BICC1: variants seen among roughly 807,000 people sequenced by gnomAD.
BICC1 encodes BicC family RNA binding protein 1.
A neutral mutation model predicts 111.0 loss-of-function variants in BICC1; 43 were observed. The ratio of observed to expected loss-of-function variants is 0.39; its 90% CI spans 0.30 to 0.50. The LOEUF (loss-of-function observed/expected upper bound fraction) is 0.50. Among genes scored for constraint, BICC1 ranks in the 20% least tolerant of loss-of-function variants. The pLI is 0.88. For missense variants in BICC1, 1,091 were observed against 1,203.2 expected (o/e 0.91, Z 1.38); for synonymous variants, 467 against 434.4 (o/e 1.07, Z -0.93).
chr10:58,798,608 C>A, intron 11 of BICC1, 48 bp downstream of exon 11: 1 of 1,418,040 alleles, frequency 7.1e-7, no homozygotes, highest in South Asian at 1.8e-5. Context: ...TTAGGTGTTA[C>A]CAGTTTTTTA....
chr10:58,567,663 G>C (rs1843811193), intron 1 of BICC1, among the ~76,000 whole-genome samples: 1 of 151,856 alleles, frequency 6.6e-6, no homozygotes, highest in Non-Finnish European at 1.5e-5. Flanking sequence ...GCTGAATGCT[G>C]TGCCTGTAAT....
intron 2 of BICC1, among the ~76,000 whole-genome samples, chr10:58,662,109 G>T (rs1838863135): frequency 6.6e-6 from 1 of 152,136 alleles, no homozygotes; most frequent in African/African-American, 2.4e-5. Flanking sequence ...GTGTGTGCCT[G>T]TGTATTGAGT....
rs76631227 is a variant in BICC1, at chr10:58,528,082, G to A, written c.190+14749G>A. 3.2e-3 allele frequency among the ~76,000 whole-genome samples: 487 copies of A among 152,050 alleles called. 4 individuals carry two copies. The highest frequency in any genetic ancestry group is 0.011 in the African/African-American group (469 of 41,520). On this transcript the variant is annotated intron_variant, in intron 1 of 20. Coordinates refer to ENST00000373886, the MANE Select transcript of BICC1 (RefSeq NM_001080512.3). Reference sequence around the variant, plus strand: ...AGAGCTGTGAAAATATCTGGACTGTGTTTATAGAATAAATGACCCATGATG... The same window carrying A: ...AGAGCTGTGAAAATATCTGGACTGTATTTATAGAATAAATGACCCATGATG...
At chr10:58,651,608 G>A (rs1350557582) in intron 2 of BICC1, among the ~76,000 whole-genome samples, 1 of 152,060 alleles carries the variant, frequency 6.6e-6, no homozygotes, top group South Asian at 2.1e-4. Context: ...TTTTCCTTAT[G>A]AGATTCTCTC....
intron 1 of BICC1, among the ~76,000 whole-genome samples, chr10:58,594,890 TA>T (rs1844761449): frequency 1.3e-5 from 2 of 152,048 alleles, no homozygotes; most frequent in Admixed American, 1.3e-4. Context: ...AACCTAAATG[TA>T]GGCTAAATGC....
At chr10:58,514,452 A>T (rs745478638) in intron 1 of BICC1, among the ~76,000 whole-genome samples, 4 of 152,214 alleles carry the variant, frequency 2.6e-5, no homozygotes, top group Non-Finnish European at 4.4e-5. Context: ...CAGTATGGGA[A>T]TGATTTAGCC....
chr10:58,716,962 C>A (rs1840764774), intron 3 of BICC1, among the ~76,000 whole-genome samples: 1 of 148,394 alleles, frequency 6.7e-6, no homozygotes, highest in Non-Finnish European at 1.5e-5. Context: ...TTTGAGTGAA[C>A]CAGAGAAACA....
At chr10:58,789,971 C>T in intron 8 of BICC1, 38 bp downstream of exon 8, 1 of 1,605,804 alleles carries the variant, frequency 6.2e-7, no homozygotes, top group Non-Finnish European at 8.5e-7. Flanking sequence ...TTTTTTTAAA[C>T]CTCTTTGGAT....
At chr10:58,579,513 A>G (rs1460669168) in intron 1 of BICC1, among the ~76,000 whole-genome samples, 2 of 152,164 alleles carry the variant, frequency 1.3e-5, no homozygotes, top group African/African-American at 4.8e-5. Flanking sequence ...AGCCACGCCT[A>G]CTGGGGCATC....
intron 1 of BICC1, among the ~76,000 whole-genome samples, chr10:58,536,599 A>G (rs925136576): frequency 2.0e-5 from 3 of 151,808 alleles, no homozygotes; most frequent in Non-Finnish European, 4.4e-5. Flanking sequence ...CTAAATACCT[A>G]CATCAAAAAA....
intron 1 of BICC1, among the ~76,000 whole-genome samples, chr10:58,519,029 G>A (rs1842323029): frequency 6.6e-6 from 1 of 152,194 alleles, no homozygotes; most frequent in African/African-American, 2.4e-5. Flanking sequence ...GACACAGAGT[G>A]GCTTAAACAA....
At chr10:58,660,304 A>C (rs1203312371) in intron 2 of BICC1, among the ~76,000 whole-genome samples, 1 of 152,096 alleles carries the variant, frequency 6.6e-6, no homozygotes, top group Non-Finnish European at 1.5e-5. Flanking sequence ...TTTGTCAAAT[A>C]AGGAGAGTAT....
At chr10:58,814,027 A>G (rs1844003436) in intron 18 of BICC1, 41 bp downstream of exon 18, 2 of 1,609,636 alleles carry the variant, frequency 1.2e-6, no homozygotes, top group African/African-American at 1.3e-5. Flanking sequence ...GTATCCCCAG[A>G]TTAGAATGTG....
At chr10:58,669,293 T>G (rs1334417847) in intron 2 of BICC1, among the ~76,000 whole-genome samples, 1 of 152,128 alleles carries the variant, frequency 6.6e-6, no homozygotes, top group Non-Finnish European at 1.5e-5. Flanking sequence ...TTTTGGATTT[T>G]GGACACTTAA....
chr10:58,685,727 C>T (rs527946619), intron 2 of BICC1, among the ~76,000 whole-genome samples: 91 of 152,164 alleles, frequency 6.0e-4, no homozygotes, highest in African/African-American at 1.9e-3. Flanking sequence ...TGGTAGATCT[C>T]CCTCCATCCC....
At chr10:58,797,616 G>C (rs1330551311) in intron 10 of BICC1, among the ~76,000 whole-genome samples, 1 of 152,128 alleles carries the variant, frequency 6.6e-6, no homozygotes, top group Admixed American at 6.6e-5. Flanking sequence ...GCACTACAGA[G>C]AAAACAAGTG....
At chr10:58,583,244 C>T (rs1844329892) in intron 1 of BICC1, among the ~76,000 whole-genome samples, 1 of 151,624 alleles carries the variant, frequency 6.6e-6, no homozygotes, top group Admixed American at 6.6e-5. Context: ...TTTTTTATTT[C>T]AATAGGTTTT....
intron 1 of BICC1, among the ~76,000 whole-genome samples, chr10:58,614,020 A>G (rs1305339457): frequency 2.0e-5 from 3 of 152,094 alleles, no homozygotes; most frequent in Non-Finnish European, 4.4e-5. Context: ...ATTGAGAAAA[A>G]TGTTCTTCAG....
intron 3 of BICC1, among the ~76,000 whole-genome samples, chr10:58,719,817 C>T (rs1453171528): frequency 6.6e-6 from 1 of 152,176 alleles, no homozygotes; most frequent in East Asian, 1.9e-4. Context: ...TTAAGTTATT[C>T]TGTTATCTTT....
Sources: allele counts gnomAD v4.1 joint callset (sites outside exome capture counted in the v4.1 genomes callset), GRCh38; gene constraint gnomAD v4.1.1; transcripts MANE v1.5; gene names NCBI Gene and HGNC (gene_info 2026-07-23, HGNC 2026-07-21).